RPTOR: variants seen among roughly 807,000 people sequenced by gnomAD.
The protein encoded by RPTOR is regulatory associated protein of MTOR complex 1, also known as regulatory-associated protein of mTOR.
A neutral mutation model predicts 169.9 loss-of-function variants in RPTOR; 21 were observed. That is an observed-to-expected ratio of 0.12 (90% CI 0.09 to 0.18). The LOEUF is 0.18. Ranked by LOEUF, RPTOR falls within the 10% of genes least tolerant of loss-of-function variation. The probability of loss-of-function intolerance (pLI) is 1.00; values close to 1 mark genes in which losing one functional copy is unlikely to be tolerated. For missense variants in RPTOR, 1,133 were observed against 1,855.9 expected (o/e 0.61, Z 7.16); for synonymous variants, 732 against 753.2 (o/e 0.97, Z 0.46).
intron 3 of RPTOR, among the ~76,000 whole-genome samples, chr17:80,650,225 G>C (rs919690267): frequency 6.6e-6 from 1 of 152,220 alleles, no homozygotes; most frequent in Non-Finnish European, 1.5e-5. Flanking sequence ...GGCCAGCCCT[G>C]TGTTGGACTC....
chr17:80,743,545 T>C, intron 5 of RPTOR: 1 of 705,950 alleles, frequency 1.4e-6, no homozygotes, highest in Non-Finnish European at 1.7e-6. Context: ...TCATCAGTTC[T>C]TGGGAAAGGT....
In RPTOR at chr17:80,647,822, G is replaced by A. The variant is rs984711793; in HGVS notation, c.348+4012G>A. 2.9e-4 allele frequency among the ~76,000 whole-genome samples: 44 copies of A among 152,138 alleles called. No homozygotes were observed. The Middle Eastern group carries it at 0.017, about 59-fold the overall frequency. ...GTGAAGGCAGCAAGTCCTGTGTGGC[G>A]GCCGTGGGGCTTCCAGGGAGCTGAG... On this transcript the variant is annotated intron_variant, in intron 3 of 33. Coordinates refer to ENST00000306801, the MANE Select transcript of RPTOR (RefSeq NM_020761.3).
intron 19 of RPTOR, 62 bp from the exon 20 acceptor site, chr17:80,893,644 TA>T: frequency 6.5e-7 from 1 of 1,540,902 alleles, no homozygotes; most frequent in Non-Finnish European, 8.7e-7. Context: ...GTCATGCCAT[TA>T]ACTGTAAGAC....
chr17:80,780,307 G>A (rs1243219778), intron 6 of RPTOR, among the ~76,000 whole-genome samples: 1 of 152,166 alleles, frequency 6.6e-6, no homozygotes, highest in Non-Finnish European at 1.5e-5. Context: ...GGAGAAGAGC[G>A]GAAAGGGAGA....
chr17:80,612,117 G>A (rs190896980), intron 1 of RPTOR, among the ~76,000 whole-genome samples: 19 of 152,260 alleles, frequency 1.2e-4, no homozygotes, highest in African/African-American at 3.6e-4. Flanking sequence ...CTCTAAAATA[G>A]GATAGTTTTA....
chr17:80,798,217 T>C (rs2067120084), intron 7 of RPTOR, among the ~76,000 whole-genome samples: 2 of 152,172 alleles, frequency 1.3e-5, no homozygotes, highest in Non-Finnish European at 2.9e-5. Flanking sequence ...AAGCAAACCC[T>C]GTAACCAACT....
At chr17:80,858,725 G>A (rs537580789) in intron 13 of RPTOR, among the ~76,000 whole-genome samples, 12 of 152,240 alleles carry the variant, frequency 7.9e-5, no homozygotes, top group South Asian at 6.2e-4. Context: ...GATGTCGGGC[G>A]GGGGTCCAAA....
intron 3 of RPTOR, among the ~76,000 whole-genome samples, chr17:80,675,892 G>A (rs978252085): frequency 2.0e-5 from 3 of 152,140 alleles, no homozygotes; most frequent in Non-Finnish European, 4.4e-5. Context: ...TTTTATTACC[G>A]CAGATGTGAT....
intron 5 of RPTOR, among the ~76,000 whole-genome samples, chr17:80,753,401 G>A (rs552661271): frequency 2.0e-5 from 3 of 152,152 alleles, no homozygotes; most frequent in South Asian, 2.1e-4. Flanking sequence ...TTGGGAGGCC[G>A]AGACGGGCGG....
Position 80,866,751 on chromosome 17 carries a change from T to C in RPTOR, c.1509+8851T>C, listed in dbSNP as rs543018903. 5.0e-3 allele frequency among the ~76,000 whole-genome samples: 753 copies of C among 151,878 alleles called. 3 individuals carry two copies. Among genetic ancestry groups the C allele is most frequent in the Non-Finnish European group, 8.2e-3 (554 of 67,972 alleles). On this transcript the variant is annotated intron_variant, in intron 13 of 33. Coordinates refer to ENST00000306801, the MANE Select transcript of RPTOR (RefSeq NM_020761.3). ...TCATTAATCTGAATAGCACTATGCTTCTTTTTTTTTTAGAGACTGGGTCTC... is the reference window on the plus strand; with the variant it reads ...TCATTAATCTGAATAGCACTATGCTCCTTTTTTTTTTAGAGACTGGGTCTC...
intron 1 of RPTOR, among the ~76,000 whole-genome samples, chr17:80,608,501 C>T (rs1220527379): frequency 6.6e-6 from 1 of 152,130 alleles, no homozygotes; most frequent in African/African-American, 2.4e-5. Flanking sequence ...TTCTTTGGCC[C>T]TCAAACAACC....
chr17:80,963,150 A>G, intron 33 of RPTOR, 93 bp downstream of exon 33: 2 of 1,237,460 alleles, frequency 1.6e-6, no homozygotes, highest in Non-Finnish European at 2.3e-6. Context: ...CTGCCTGGCT[A>G]CCCCACACCA....
chr17:80,868,439 C>CT (rs2068016728), intron 13 of RPTOR, among the ~76,000 whole-genome samples: 1 of 152,356 alleles, frequency 6.6e-6, no homozygotes, highest in Non-Finnish European at 1.5e-5. Context: ...TCATATACCA[C>CT]TGCACACCAA....
At chr17:80,822,121 C>A in intron 7 of RPTOR, 80 bp from the exon 8 acceptor site, 1 of 1,367,370 alleles carries the variant, frequency 7.3e-7, no homozygotes. Context: ...CCGCCCGCGC[C>A]CTTTTTTCTT....
rs370632892 is a variant in RPTOR, at chr17:80,891,875, G to A, written c.2101+38G>A. On this transcript the variant is annotated intron_variant, in intron 18 of 33. Transcript: ENST00000306801. The stretch of plus-strand genomic sequence containing the variant: ...CTCCTGTGAACCCGCAGAGCACCTC[G>A]CCTGGCGGTTCTAGTGCAGGCCGCG... 6.4e-5 allele frequency: 94 copies of A among 1,469,686 alleles called. 1 individual carries two copies. The African/African-American group carries it at 8.7e-4, about 14-fold the overall frequency. The allele number at this position is 1,469,686 out of a possible 1,614,324, so 91.0% of individuals were successfully genotyped here.
At chr17:80,851,204 C>T (rs1340649932) in intron 11 of RPTOR, among the ~76,000 whole-genome samples, 1 of 152,206 alleles carries the variant, frequency 6.6e-6, no homozygotes, top group African/African-American at 2.4e-5. Context: ...GTTTGCATTA[C>T]AGTATTGAGC....
intron 2 of RPTOR, among the ~76,000 whole-genome samples, chr17:80,626,940 C>T (rs1190435565): frequency 1.3e-5 from 2 of 152,134 alleles, no homozygotes; most frequent in Admixed American, 6.5e-5. Flanking sequence ...GTCTCCATTA[C>T]ACAACTCCTC....
intron 17 of RPTOR, among the ~76,000 whole-genome samples, chr17:80,888,972 G>T (rs1394880315): frequency 6.6e-6 from 1 of 152,246 alleles, no homozygotes; most frequent in Admixed American, 6.5e-5. Context: ...GGCACAAGAG[G>T]CCAGGAGGGC....
intron 13 of RPTOR, among the ~76,000 whole-genome samples, chr17:80,870,505 C>A (rs2068040437): frequency 6.6e-6 from 1 of 152,234 alleles, no homozygotes; most frequent in South Asian, 2.1e-4. Flanking sequence ...TTTCCCCACT[C>A]CCCCTTCCTC....
Sources: allele counts gnomAD v4.1 joint callset (sites outside exome capture counted in the v4.1 genomes callset), GRCh38; gene constraint gnomAD v4.1.1; transcripts MANE v1.5; gene names NCBI Gene and HGNC (gene_info 2026-07-23, HGNC 2026-07-21).